RELN: variants seen among roughly 807,000 people sequenced by gnomAD.
RELN encodes reelin.
A neutral mutation model predicts 427.6 loss-of-function variants in RELN; 108 were observed. The observed-to-expected ratio is 0.25, with a 90% CI of 0.22 to 0.30. The LOEUF is 0.30. Among genes scored for constraint, RELN ranks in the 10% least tolerant of loss-of-function variants. The pLI is 1.00. For synonymous variants in RELN, 1,524 were observed against 1,513.4 expected (o/e 1.01, Z -0.16); for missense variants, 3,715 against 4,302.8 (o/e 0.86, Z 3.82).
chr7:103,979,928 G>A (rs563231599), intron 1 of RELN, among the ~76,000 whole-genome samples: 131 of 152,254 alleles, frequency 8.6e-4, no homozygotes, highest in African/African-American at 2.7e-3. Context: ...TTGGGAGGCC[G>A]AGGTGGGCTG....
At position 103,851,484 on chromosome 7, in the gene RELN, AAAAT is replaced by A. The variant is rs569311836; in HGVS notation, c.338-17816_338-17813del. 2.6e-3 allele frequency among the ~76,000 whole-genome samples: 391 copies of A among 152,314 alleles called. 3 individuals are homozygous for A. Among genetic ancestry groups the A allele is most frequent in the African/African-American group, 8.4e-3 (351 of 41,580 alleles). On this transcript the variant is annotated intron_variant, in intron 2 of 64. Transcript: ENST00000428762. ...CACTTGTACCCCATTAATTTATGGAAAAATAAATAAATCCCCCCAAAACAGAAAA... is the reference window on the plus strand; with the variant it reads ...CACTTGTACCCCATTAATTTATGGAAAAATAAATCCCCCCAAAACAGAAAA...
chr7:103,500,058 A>T lies in RELN; in HGVS notation c.8667+687T>A, dbSNP rs566094814. Among the ~76,000 whole-genome samples, 6 of 152,308 alleles carry T rather than the reference A, an allele frequency of 3.9e-5. No individual in the cohort carries two copies. In the South Asian group the frequency reaches 1.2e-3, roughly 32 times the overall value. On this transcript the variant is annotated intron_variant, in intron 53 of 64. Coordinates refer to ENST00000428762, the MANE Select transcript of RELN (RefSeq NM_005045.4). ...TTTGATTTACATTGTTGACTCTCATATGTTGGATTTCAATCACTAGGAATT... is the reference window on the plus strand; with the variant it reads ...TTTGATTTACATTGTTGACTCTCATTTGTTGGATTTCAATCACTAGGAATT...
intron 2 of RELN, among the ~76,000 whole-genome samples, chr7:103,847,058 C>A (rs1000318660): frequency 2.0e-5 from 3 of 152,184 alleles, no homozygotes; most frequent in Non-Finnish European, 4.4e-5. Context: ...ACTCAGCAAT[C>A]CCATCACTGG....
At chr7:103,527,207 G>A (rs1258367632) in intron 46 of RELN, among the ~76,000 whole-genome samples, 1 of 152,082 alleles carries the variant, frequency 6.6e-6, no homozygotes, top group Non-Finnish European at 1.5e-5. Flanking sequence ...TACCTATGAA[G>A]TCCTCACTGT....
chr7:103,964,503 C>T lies in RELN; in HGVS notation c.226+24628G>A, dbSNP rs535994075. ...CCTAGAGCAATAATATCTCACCTAT[C>T]CAGATGGCTCAGTTAGGGCACAACT... On this transcript the variant is annotated intron_variant, in intron 1 of 64. Transcript: ENST00000428762. Among the ~76,000 whole-genome samples the T allele has an allele frequency of 4.6e-5, 7 of 152,278 alleles. No individual in the cohort carries two copies. The South Asian group carries it at 1.0e-3, about 23-fold the overall frequency.
At chr7:103,937,667 A>G (rs1341334024) in intron 1 of RELN, among the ~76,000 whole-genome samples, 2 of 152,270 alleles carry the variant, frequency 1.3e-5, no homozygotes, top group Non-Finnish European at 2.9e-5. Context: ...TACTCTCAAC[A>G]ACACAGAATA....
At chr7:103,697,275 G>A (rs1325178432) in intron 10 of RELN, among the ~76,000 whole-genome samples, 1 of 152,246 alleles carries the variant, frequency 6.6e-6, no homozygotes, top group Middle Eastern at 3.4e-3. Context: ...GAATTCTGGG[G>A]AGGTGGAGGG....
chr7:103,848,499 C>T (rs1018960960), intron 2 of RELN, among the ~76,000 whole-genome samples: 2 of 152,140 alleles, frequency 1.3e-5, no homozygotes, highest in African/African-American at 4.8e-5. Context: ...CTACTTCCCC[C>T]CGAATCAACA....
intron 10 of RELN, among the ~76,000 whole-genome samples, chr7:103,686,393 G>A (rs952164493): frequency 6.6e-6 from 1 of 152,144 alleles, no homozygotes; most frequent in African/African-American, 2.4e-5. Context: ...AATTGAAAAT[G>A]CATGGCTTCC....
chr7:103,847,786 T>G (rs1793717121), intron 2 of RELN, among the ~76,000 whole-genome samples: 1 of 152,156 alleles, frequency 6.6e-6, no homozygotes, highest in South Asian at 2.1e-4. Flanking sequence ...TCCTCTTCTT[T>G]GAGTTTCTGT....
At chr7:103,648,068 TTAAATG>T (rs1222840937) in intron 16 of RELN, among the ~76,000 whole-genome samples, 1 of 152,014 alleles carries the variant, frequency 6.6e-6, no homozygotes, top group Non-Finnish European at 1.5e-5. Flanking sequence ...GAATAAATAC[TTAAATG>T]TAAGATATGA....
intron 64 of RELN, chr7:103,476,757 A>C (rs745924223): frequency 2.6e-6 from 1 of 389,700 alleles, no homozygotes; most frequent in Non-Finnish European, 5.3e-6. Context: ...AATTAGGGGA[A>C]TTTTTAACAT....
chr7:103,976,016 G>C (rs999507314), intron 1 of RELN, among the ~76,000 whole-genome samples: 3 of 152,082 alleles, frequency 2.0e-5, no homozygotes, highest in Non-Finnish European at 4.4e-5. Flanking sequence ...AGCTCCTACT[G>C]TGTTTGAAGA....
chr7:103,580,936 C>T lies in RELN; in HGVS notation c.4146-5231G>A, dbSNP rs926147966. On this transcript the variant is annotated intron_variant, in intron 28 of 64. Transcript: ENST00000428762. ...CATTACACTGATCTATTTGGAAGAG[C>T]TGCATTTGGGCCACAGTTTTGGAAA... Among the ~76,000 whole-genome samples the T allele has an allele frequency of 1.3e-5, 2 of 152,154 alleles. 1 individual carries two copies.
chr7:103,787,677 T>C (rs1244013638), intron 3 of RELN, among the ~76,000 whole-genome samples: 3 of 152,090 alleles, frequency 2.0e-5, no homozygotes, highest in Non-Finnish European at 2.9e-5. Flanking sequence ...AGTTCTGAAA[T>C]TGAAGCAGTA....
At chr7:103,608,789 A>G (rs1831877096) in intron 22 of RELN, among the ~76,000 whole-genome samples, 1 of 152,222 alleles carries the variant, frequency 6.6e-6, no homozygotes, top group South Asian at 2.1e-4. Context: ...GCTAGAAAAT[A>G]ATAATGTAGC....
At chr7:103,724,790 A>G (rs1455883377) in intron 7 of RELN, among the ~76,000 whole-genome samples, 1 of 151,970 alleles carries the variant, frequency 6.6e-6, no homozygotes, top group Non-Finnish European at 1.5e-5. Flanking sequence ...ATCAGCTACA[A>G]GAAAGAACAG....
At chr7:103,893,162 A>G (rs1794885997) in intron 2 of RELN, among the ~76,000 whole-genome samples, 1 of 152,140 alleles carries the variant, frequency 6.6e-6, no homozygotes, top group Admixed American at 6.6e-5. Context: ...CCACATGAAG[A>G]TGGAATGTAA....
At chr7:103,530,957 A>G (rs1181014673) in intron 46 of RELN, among the ~76,000 whole-genome samples, 1 of 152,178 alleles carries the variant, frequency 6.6e-6, no homozygotes, top group African/African-American at 2.4e-5. Flanking sequence ...CTCCAGTGCA[A>G]GAATTTAAGA....
Sources: gnomAD v4.1 joint callset for allele counts (sites outside exome capture counted in the v4.1 genomes callset) on GRCh38, gnomAD v4.1.1 for gene constraint, MANE v1.5 for transcripts, NCBI Gene and HGNC (gene_info 2026-07-23, HGNC 2026-07-21) for gene names.